The following ACBD6 variants were observed in gnomAD, a reference collection of about 807,000 sequenced individuals.
ACBD6 encodes the protein acyl-CoA-binding domain-containing protein 6.
A neutral mutation model predicts 37.2 loss-of-function variants in ACBD6; 28 were observed. The observed-to-expected ratio is 0.75, with a 90% CI of 0.56 to 1.03. ACBD6 has a LOEUF of 1.03. ACBD6 is among the 50% of genes least tolerant of loss of function. ACBD6 has a pLI of 0.00. For missense variants in ACBD6, 340 were observed against 337.4 expected (o/e 1.01, Z -0.06); for synonymous variants, 113 against 126.8 (o/e 0.89, Z 0.73).
chr1:180,500,933 CAA>C (rs1651947364), intron 1 of ACBD6, among the ~76,000 whole-genome samples: 1 of 151,842 alleles, frequency 6.6e-6, no homozygotes, highest in Non-Finnish European at 1.5e-5. Flanking sequence ...GCATTATACC[CAA>C]GTGTCTTGCA....
At chr1:180,358,149 C>T (rs1652697749) in intron 6 of ACBD6, among the ~76,000 whole-genome samples, 1 of 152,192 alleles carries the variant, frequency 6.6e-6, no homozygotes, top group Admixed American at 6.5e-5. Flanking sequence ...CACTTTAGGG[C>T]CGAGTGCGGT....
At chr1:180,323,228 T>C (rs1264853949) in intron 6 of ACBD6, among the ~76,000 whole-genome samples, 2 of 152,022 alleles carry the variant, frequency 1.3e-5, no homozygotes, top group African/African-American at 2.4e-5. Context: ...CTCAAAAAAA[T>C]AGTAGCAAAC....
chr1:180,490,546 C>T (rs933300376), intron 3 of ACBD6, among the ~76,000 whole-genome samples: 10 of 151,274 alleles, frequency 6.6e-5, no homozygotes, highest in Non-Finnish European at 1.5e-4. Flanking sequence ...GAGGCCGAGG[C>T]GGGCAGATCA....
At chr1:180,364,431 G>T (rs959804529) in intron 6 of ACBD6, among the ~76,000 whole-genome samples, 1 of 152,228 alleles carries the variant, frequency 6.6e-6, no homozygotes, top group Non-Finnish European at 1.5e-5. Flanking sequence ...GACTTAGGAA[G>T]AAAATGTCTA....
intron 7 of ACBD6, among the ~76,000 whole-genome samples, chr1:180,313,474 T>C (rs1409921622): frequency 6.6e-6 from 1 of 152,234 alleles, no homozygotes; most frequent in Non-Finnish European, 1.5e-5. Flanking sequence ...CACTATCAGC[T>C]TGAAATACCT....
At chr1:180,355,655 A>G (rs917204644) in intron 6 of ACBD6, among the ~76,000 whole-genome samples, 1 of 152,052 alleles carries the variant, frequency 6.6e-6, no homozygotes, top group East Asian at 1.9e-4. Flanking sequence ...TTCCACAGTA[A>G]TGAACTCTAT....
At chr1:180,309,773 C>T (rs1322960180) in intron 7 of ACBD6, among the ~76,000 whole-genome samples, 2 of 152,102 alleles carry the variant, frequency 1.3e-5, no homozygotes, top group African/African-American at 2.4e-5. Flanking sequence ...TTTATTTTTC[C>T]TCTTTTTTGA....
At chr1:180,352,752 C>G (rs1446845222) in intron 6 of ACBD6, among the ~76,000 whole-genome samples, 1 of 152,222 alleles carries the variant, frequency 6.6e-6, no homozygotes, top group African/African-American at 2.4e-5. Flanking sequence ...GTTCACTGCA[C>G]TTTATACACA....
intron 7 of ACBD6, among the ~76,000 whole-genome samples, chr1:180,313,206 A>G (rs1454991913): frequency 1.3e-5 from 2 of 152,168 alleles, no homozygotes; most frequent in African/African-American, 4.8e-5. Flanking sequence ...TTTTGCATCT[A>G]TGCTCATAAG....
chr1:180,440,757 A>G (rs1318360796), intron 3 of ACBD6, among the ~76,000 whole-genome samples: 1 of 151,986 alleles, frequency 6.6e-6, no homozygotes, highest in African/African-American at 2.4e-5. Context: ...TTCTGTCTCT[A>G]TGGATTTAAC....
intron 6 of ACBD6, among the ~76,000 whole-genome samples, chr1:180,396,302 C>T (rs1280743227): frequency 6.6e-6 from 1 of 151,984 alleles, no homozygotes; most frequent in Non-Finnish European, 1.5e-5. Flanking sequence ...AAATTTTATG[C>T]TATGAGTATT....
chr1:180,478,087 C>T (rs1255770344), intron 3 of ACBD6, among the ~76,000 whole-genome samples: 1 of 151,938 alleles, frequency 6.6e-6, no homozygotes, highest in African/African-American at 2.4e-5. Flanking sequence ...TTTTTCTTAA[C>T]TTACATGGAT....
At chr1:180,406,256 A>C (rs1009756877) in intron 5 of ACBD6, among the ~76,000 whole-genome samples, 1 of 152,150 alleles carries the variant, frequency 6.6e-6, no homozygotes, top group African/African-American at 2.4e-5. Context: ...TAGATTAAAA[A>C]AAATATTTAC....
chr1:180,488,094 G>T lies in ACBD6; in HGVS notation c.384+4175C>A, dbSNP rs192663274. ...CAAACAATTCGGAAAAAATGTATTT[G>T]TGTGTGTGTTGTGTGTGTGTGTGTG... On this transcript the variant is annotated intron_variant, in intron 3 of 7. Transcript: ENST00000367595. 9.4e-5 allele frequency among the ~76,000 whole-genome samples: 14 copies of T among 149,654 alleles called. No individual in the cohort carries two copies. The East Asian group carries it at 2.7e-3, about 29-fold the overall frequency.
intron 3 of ACBD6, among the ~76,000 whole-genome samples, chr1:180,474,539 T>C (rs1180837581): frequency 6.6e-6 from 1 of 152,182 alleles, no homozygotes; most frequent in African/African-American, 2.4e-5. Context: ...GCCTGAAATT[T>C]TGCTTTTGGA....
At chr1:180,498,639 A>G (rs955578233) in intron 1 of ACBD6, among the ~76,000 whole-genome samples, 1 of 152,116 alleles carries the variant, frequency 6.6e-6, no homozygotes, top group Admixed American at 6.5e-5. Flanking sequence ...GGATCACCTG[A>G]GATCAGGAGA....
At chr1:180,499,014 T>C (rs939155905) in intron 1 of ACBD6, among the ~76,000 whole-genome samples, 2 of 152,082 alleles carry the variant, frequency 1.3e-5, no homozygotes, top group African/African-American at 4.8e-5. Flanking sequence ...GTTCATTCGA[T>C]TTTGTTAAAA....
At chr1:180,428,056 G>A (rs1290596933) in intron 4 of ACBD6, among the ~76,000 whole-genome samples, 1 of 151,264 alleles carries the variant, frequency 6.6e-6, no homozygotes, top group African/African-American at 2.4e-5. Flanking sequence ...CTGATCTGCT[G>A]TAGTAGTAAC....
At chr1:180,274,620 A>G in intron 10 of ACBD6, 4 of 1,514,308 alleles carry the variant, frequency 2.6e-6, no homozygotes, top group Non-Finnish European at 2.6e-6. Flanking sequence ...CTGGCTTGAG[A>G]GAATATCTTC....
Sources: allele counts gnomAD v4.1 joint callset (sites outside exome capture counted in the v4.1 genomes callset), GRCh38; gene constraint gnomAD v4.1.1; transcripts MANE v1.5; gene names NCBI Gene and HGNC (gene_info 2026-07-23, HGNC 2026-07-21).